The following ITGAM variants were observed in gnomAD, a reference collection of about 807,000 sequenced individuals.
ITGAM encodes the protein integrin subunit alpha M.
A neutral mutation model predicts 137.5 loss-of-function variants in ITGAM; 79 were observed. The ratio of observed to expected loss-of-function variants is 0.57; its 90% CI spans 0.48 to 0.69. ITGAM has a LOEUF of 0.69. Among genes scored for constraint, ITGAM ranks in the 30% least tolerant of loss-of-function variants. The pLI is 0.00. For missense variants in ITGAM, 1,343 were observed against 1,483.5 expected (o/e 0.91, Z 1.56); for synonymous variants, 583 against 592.3 (o/e 0.98, Z 0.23).
chr16:31,294,970 T>C (rs2080119359), intron 12 of ITGAM, among the ~76,000 whole-genome samples: 2 of 152,212 alleles, frequency 1.3e-5, no homozygotes, highest in Non-Finnish European at 2.9e-5. Flanking sequence ...CACCATTTGT[T>C]GAAGAGAATG....
intron 2 of ITGAM, among the ~76,000 whole-genome samples, chr16:31,265,082 TG>T (rs2079749033): frequency 6.6e-6 from 1 of 152,102 alleles, no homozygotes; most frequent in Non-Finnish European, 1.5e-5. Flanking sequence ...TTGCCCAGGC[TG>T]ATCTTGAACT....
At position 31,324,405 on chromosome 16, in the gene ITGAM, T is replaced by G. The variant is rs1208620644; in HGVS notation, c.2009T>G (p.Ile670Ser). 10 of 1,551,794 alleles carry G rather than the reference T, an allele frequency of 6.4e-6. No homozygotes were observed. The highest frequency in any genetic ancestry group is 5.9e-5 in the South Asian group (5 of 84,066). ...TGCCACCCTGTCCCTTCAGGACAGA[T>G]CCAGAGTGTTGTGACTTATGACCTG... ...STRDRLREGQIQSVVTYDLAL... is the reference protein window; with the variant it reads ...STRDRLREGQSQSVVTYDLAL... The change falls in exon 17 of 30, where the codon ATC becomes AGC. Residue 670 changes from isoleucine (I) to serine (S), a missense_variant. Physicochemically the swap from Ile to Ser is moderately radical, Grantham distance 142. Transcript: ENST00000544665. The surrounding 1 kb of genome is among the most constrained non-coding windows in gnomAD (Gnocchi z 4.5).
chr16:31,300,496 A>G (rs1360021300), intron 14 of ITGAM, among the ~76,000 whole-genome samples: 1 of 152,128 alleles, frequency 6.6e-6, no homozygotes, highest in Non-Finnish European at 1.5e-5. Flanking sequence ...GTGAAATTTC[A>G]CTGTGGCTTT....
intron 14 of ITGAM, among the ~76,000 whole-genome samples, chr16:31,302,310 C>A (rs908742648): frequency 1.3e-5 from 2 of 152,180 alleles, no homozygotes; most frequent in Admixed American, 1.3e-4. Flanking sequence ...CCAGTAAGAG[C>A]ACTGTGCAAT....
At chr16:31,329,070 G>C in intron 23 of ITGAM, 158 bp from the exon 24 acceptor site, 1 of 530,060 alleles carries the variant, frequency 1.9e-6, no homozygotes, top group Non-Finnish European at 3.5e-6. Context: ...AGCACACATT[G>C]GTTCCCCCAT....
At chr16:31,276,013 TATCCCA>T (rs1258045834) in intron 9 of ITGAM, among the ~76,000 whole-genome samples, 3 of 152,252 alleles carry the variant, frequency 2.0e-5, no homozygotes, top group Non-Finnish European at 4.4e-5. Context: ...TTCTCTGTTG[TATCCCA>T]ATTGCCTAGA....
chr16:31,270,196 C>A (rs1567248438), intron 5 of ITGAM, among the ~76,000 whole-genome samples: 1 of 71,588 alleles, frequency 1.4e-5, no homozygotes, highest in African/African-American at 6.5e-5. Flanking sequence ...TCCTTTTTTT[C>A]TTCCTTTCTT....
chr16:31,326,796 G>A (rs1048038090), intron 21 of ITGAM, 60 bp from the exon 22 acceptor site: 15 of 1,111,764 alleles, frequency 1.3e-5, no homozygotes, highest in African/African-American at 1.5e-5. Flanking sequence ...CAGATGACGG[G>A]CATTTGGGTT....
At chr16:31,276,611 C>A in intron 9 of ITGAM, 60 bp from the exon 10 acceptor site, 2 of 1,233,872 alleles carry the variant, frequency 1.6e-6, no homozygotes. Flanking sequence ...GGATTACAGG[C>A]GTGAGCCACC....
At position 31,329,788 on chromosome 16, in the gene ITGAM, C is replaced by T. The variant is rs748586140; in HGVS notation, c.2869-10C>T. The T allele has an allele frequency of 2.4e-5, 37 of 1,550,352 alleles. No individual in the cohort carries two copies. In the South Asian group the frequency reaches 3.8e-4, roughly 16 times the overall value. On this transcript the variant is annotated splice_polypyrimidine_tract_variant and intron_variant, in intron 24 of 29. Transcript: ENST00000544665. Reference sequence around the variant, plus strand: ...AGGCCAGAGCCCTGACCCCGCCCTCCCCGGTGCAGGTCAGCAACCTGGGGC... The same window carrying T: ...AGGCCAGAGCCCTGACCCCGCCCTCTCCGGTGCAGGTCAGCAACCTGGGGC...
intron 1 of ITGAM, 83 bp downstream of exon 1, chr16:31,260,175 T>C (rs991935965): frequency 4.0e-6 from 4 of 1,006,876 alleles, no homozygotes; most frequent in Middle Eastern, 2.9e-4. Flanking sequence ...CCAGAATATG[T>C]AGGAGTCAGT....
chr16:31,260,194 A>G, intron 1 of ITGAM, 102 bp downstream of exon 1: 3 of 811,988 alleles, frequency 3.7e-6, no homozygotes, highest in South Asian at 1.8e-5. Context: ...GTCTGGGGAG[A>G]GGCAAAGGGG....
chr16:31,310,107 T>C (rs1477264724), intron 14 of ITGAM, among the ~76,000 whole-genome samples: 1 of 151,304 alleles, frequency 6.6e-6, no homozygotes, highest in Non-Finnish European at 1.5e-5. Context: ...ACCCAACCTT[T>C]CTCTCTGGCT....
At chr16:31,299,764 CTTCCTCCTCCT>C (rs1160203393) in intron 14 of ITGAM, among the ~76,000 whole-genome samples, 7 of 125,286 alleles carry the variant, frequency 5.6e-5, no homozygotes, top group African/African-American at 3.2e-4. Flanking sequence ...TCCTCCTCCT[CTTCCTCCTCCT>C]CCTCCTCCGC....
intron 29 of ITGAM, 152 bp downstream of exon 29, chr16:31,331,427 C>T (rs974135007): frequency 1.0e-5 from 7 of 669,414 alleles, no homozygotes; most frequent in Admixed American, 5.2e-5. Context: ...GGAGGGTGGC[C>T]GGGTTCATGC....
intron 12 of ITGAM, among the ~76,000 whole-genome samples, chr16:31,293,490 G>A (rs916919246): frequency 6.6e-6 from 1 of 152,032 alleles, no homozygotes. Flanking sequence ...AGCACCATTT[G>A]TTGAATAGGA....
Position 31,331,958 on chromosome 16 carries a change from T to C in ITGAM, c.*251T>C. 5.5e-6 allele frequency: 3 copies of C among 545,106 alleles called. No individual in the cohort carries two copies. Among genetic ancestry groups the C allele is most frequent in the Non-Finnish European group, 9.7e-6 (3 of 307,964 alleles). The allele number at this position is 545,106 out of a possible 1,614,324, so 33.8% of individuals were successfully genotyped here. A position where few individuals can be genotyped will look rare whatever the true frequency, so the allele number is the denominator to read the frequency against. On this transcript the variant is annotated 3_prime_UTR_variant, in exon 30 of 30. Transcript: ENST00000544665. ...GTGTGAGTGTGTGCAAGTATGTGAG[T>C]GTGTCCAAGTGTGTGTGCGTGTGTC...
chr16:31,327,595 A>AAAT (rs907618848), intron 22 of ITGAM, among the ~76,000 whole-genome samples: 41 of 151,108 alleles, frequency 2.7e-4, no homozygotes, highest in South Asian at 8.3e-4. Flanking sequence ...CCCAGTGTCA[A>AAAT]AATAATAATA....
intron 2 of ITGAM, among the ~76,000 whole-genome samples, chr16:31,262,373 TTCCTTCC>T (rs2079713889): frequency 7.1e-6 from 1 of 140,164 alleles, no homozygotes; most frequent in African/African-American, 2.6e-5. Flanking sequence ...CCTTCCTTCC[TTCCTTCC>T]TTCCTTCCTT....
Sources: gnomAD v4.1 joint callset for allele counts (sites outside exome capture counted in the v4.1 genomes callset) on GRCh38, gnomAD v4.1.1 for gene constraint, Gnocchi (gnomAD v3.1) non-coding constraint, MANE v1.5 for transcripts, NCBI Gene and HGNC (gene_info 2026-07-23, HGNC 2026-07-21) for gene names.